Variants in PANK4 observed in about 807,000 individuals in gnomAD.
The protein encoded by PANK4 is pantothenate kinase 4 (inactive).
In PANK4, 40 loss-of-function variants were observed where a neutral mutation model predicts 87.9. That is an observed-to-expected ratio of 0.46 (90% CI 0.35 to 0.59). PANK4 has a LOEUF of 0.59. PANK4 is among the 20% of genes least tolerant of loss of function. The pLI, the probability that PANK4 is intolerant of heterozygous loss-of-function variation, is 0.00. For missense variants in PANK4, 926 were observed against 1,072.3 expected (o/e 0.86, Z 1.90); for synonymous variants, 524 against 467.4 (o/e 1.12, Z -1.56).
chr1:2,523,508 G>T (rs890244842), intron 1 of PANK4, among the ~76,000 whole-genome samples: 3 of 152,210 alleles, frequency 2.0e-5, no homozygotes, highest in African/African-American at 7.2e-5. Flanking sequence ...CAAACTCTCA[G>T]GTCACAGAAA....
intron 10 of PANK4, among the ~76,000 whole-genome samples, chr1:2,514,692 AG>A (rs1643734776): frequency 4.7e-5 from 1 of 21,420 alleles, no homozygotes; most frequent in African/African-American, 3.0e-4. Flanking sequence ...GGGCAGGGTC[AG>A]GGCCTGCTGT....
intron 14 of PANK4, 84 bp downstream of exon 14, chr1:2,511,544 C>T: frequency 5.2e-6 from 6 of 1,148,150 alleles, no homozygotes; most frequent in Non-Finnish European, 7.9e-6. Context: ...TGGACCCCGA[C>T]CGCAACTGCA....
rs866034481 is a variant in PANK4 at position 2,518,542 on chromosome 1, G to A, written c.1091C>T (p.Ala364Val). Residue 364 changes from alanine (A) to valine (V), a missense_variant, in exon 8 of 19, where the codon GCG becomes GTG. Coordinates refer to ENST00000378466, the MANE Select transcript of PANK4 (RefSeq NM_018216.4). ...RHEGYLGAIG[A>V]FLKGAEQDNP... ...GTCCTGCTCAGCTCCTTTCAGGAAC[G>A]CTCCGATGGCTCCCAGGTAGCCTTC... The A allele has an allele frequency of 8.9e-6, 14 of 1,571,294 alleles. No individual in the cohort carries two copies. Among genetic ancestry groups the A allele is most frequent in the Non-Finnish European group, 1.2e-5 (14 of 1,158,070 alleles).
At chr1:2,516,021 C>T in intron 9 of PANK4, 1 of 485,240 alleles carries the variant, frequency 2.1e-6, no homozygotes, top group Admixed American at 3.6e-5. Context: ...ACCCTCCCAT[C>T]ACCCCTCCTC....
rs1027337911 is a variant in PANK4 at position 2,509,118 on chromosome 1, A to G, written c.2109-58T>C. ...AAGCAGACCCCAGACCCCACTTCCCATACAGTGCGGCGACCAACGTGAAGG... is the reference window on the plus strand; with the variant it reads ...AAGCAGACCCCAGACCCCACTTCCCGTACAGTGCGGCGACCAACGTGAAGG... On this transcript the variant is annotated intron_variant, in intron 18 of 18. Transcript: ENST00000378466. The surrounding 1 kb of genome is among the most constrained non-coding windows in gnomAD (Gnocchi z 4.9). 7.3e-7 allele frequency: 1 copy of G among 1,378,074 alleles called. No homozygotes were observed. The highest frequency in any genetic ancestry group is 1.0e-6 in the Non-Finnish European group (1 of 1,000,764). 85.4% of individuals were successfully genotyped at this position (1,378,074 alleles called of 1,614,324 possible).
rs1283345373 is a variant in PANK4 at position 2,509,471 on chromosome 1, A to C, written c.2108+391T>G. ...TCCTCCTCTGCAATCAGGAGGACAGACAGCACCACATACAATTGACTAATG... is the reference window on the plus strand; with the variant it reads ...TCCTCCTCTGCAATCAGGAGGACAGCCAGCACCACATACAATTGACTAATG... On this transcript the variant is annotated intron_variant, in intron 18 of 18. Transcript: ENST00000378466. This position sits in a 1 kb window ranked among gnomAD's most constrained non-coding sequence, Gnocchi z 4.9. 6.6e-6 allele frequency among the ~76,000 whole-genome samples: 1 copy of C among 152,204 alleles called. No individual in the cohort carries two copies. Among genetic ancestry groups the C allele is most frequent in the Non-Finnish European group, 1.5e-5 (1 of 68,044 alleles).
At position 2,521,195 on chromosome 1, in the gene PANK4, C is replaced by A; in HGVS notation, c.328G>T (p.Asp110Tyr). The change falls in exon 3 of 19, where the codon GAC becomes TAC. Residue 110 changes from aspartate (D) to tyrosine (Y), a missense_variant. Transcript: ENST00000378466. ...TTGGTCTCTGTGTTGACGAGATGGTCTTTGATGAAGTCCAGGCAGGCTTCG... is the reference window on the plus strand; with the variant it reads ...TTGGTCTCTGTGTTGACGAGATGGTATTTGATGAAGTCCAGGCAGGCTTCG... ...YIEACLDFIK[D>Y]HLVNTETKVI... The A allele has an allele frequency of 3.7e-6, 6 of 1,613,976 alleles. No individual in the cohort carries two copies. The highest frequency in any genetic ancestry group is 5.1e-6 in the Non-Finnish European group (6 of 1,179,996).
chr1:2,519,607 T>A lies in PANK4; in HGVS notation c.853+194A>T, dbSNP rs183175974. ...TTCTTCCAAAACCAAGACCGTGGCG[T>A]TTATCTGCCGACGTTCTGAGCAGTG... On this transcript the variant is annotated intron_variant, in intron 6 of 18. Coordinates refer to ENST00000378466, the MANE Select transcript of PANK4 (RefSeq NM_018216.4). The surrounding 1 kb of genome is among the most constrained non-coding windows in gnomAD (Gnocchi z 8.3). Among the ~76,000 whole-genome samples, 1 of 152,328 alleles carries A rather than the reference T, an allele frequency of 6.6e-6. No homozygotes were observed. The highest frequency in any genetic ancestry group is 1.9e-4 in the East Asian group (1 of 5,186).
Position 2,520,615 on chromosome 1 carries a change from G to T in PANK4, c.606+108C>A. On this transcript the variant is annotated intron_variant, in intron 4 of 18. Coordinates refer to ENST00000378466, the MANE Select transcript of PANK4 (RefSeq NM_018216.4). This position sits in a 1 kb window ranked among gnomAD's most constrained non-coding sequence, Gnocchi z 6.2. ...CTCACAGCCTCGCCACCCCCCTCCC[G>T]CCCACTGGGCCCCATCCATGTGCCC... 2 of 880,936 alleles carry T rather than the reference G, an allele frequency of 2.3e-6. No individual in the cohort carries two copies. The highest frequency in any genetic ancestry group is 1.6e-6 in the Non-Finnish European group (1 of 608,634). 54.6% of individuals were successfully genotyped at this position (880,936 alleles called of 1,614,324 possible).
chr1:2,524,043 A>G (rs1427506035), intron 1 of PANK4, among the ~76,000 whole-genome samples: 3 of 152,174 alleles, frequency 2.0e-5, no homozygotes, highest in Admixed American at 6.5e-5. Context: ...TTGGGCACCA[A>G]TGGAGGGCAG....
chr1:2,523,520 C>G (rs1297719375), intron 1 of PANK4, among the ~76,000 whole-genome samples: 1 of 152,214 alleles, frequency 6.6e-6, no homozygotes, highest in East Asian at 1.9e-4. Context: ...TCACAGAAAT[C>G]CAGTTTCAGG....
At position 2,521,096 on chromosome 1, in the gene PANK4, C is replaced by T; in HGVS notation, c.422+5G>A. 1.9e-6 allele frequency: 3 copies of T among 1,610,466 alleles called. 1 individual carries two copies. Among genetic ancestry groups the T allele is most frequent in the Non-Finnish European group, 2.5e-6 (3 of 1,177,552 alleles). On this transcript the variant is annotated splice_donor_5th_base_variant and intron_variant, in intron 3 of 18. Transcript: ENST00000378466. Reference sequence around the variant, plus strand: ...TCCTTTCTCGCCCTTGAGATCCCCACTCACTTCAGCCGCAGCTTCTCTTCG... The same window carrying T: ...TCCTTTCTCGCCCTTGAGATCCCCATTCACTTCAGCCGCAGCTTCTCTTCG...
At chr1:2,513,185 C>T (rs1374755420) in intron 12 of PANK4, 146 bp from the exon 13 acceptor site, 11 of 825,268 alleles carry the variant, frequency 1.3e-5, no homozygotes, top group East Asian at 8.0e-5. Context: ...ACAAGCCTAT[C>T]GGTCCGGGAC....
In PANK4 at chr1:2,515,453, G is replaced by T; in HGVS notation, c.1374+109C>A. On this transcript the variant is annotated intron_variant, in intron 10 of 18. Coordinates refer to ENST00000378466, the MANE Select transcript of PANK4 (RefSeq NM_018216.4). This position sits in a 1 kb window ranked among gnomAD's most constrained non-coding sequence, Gnocchi z 5.0. ...TCAGACGCAGATCAAGGGGTTTCTG[G>T]ACAACACTGGCCTGTCCCCCTTCGC... 8.0e-7 allele frequency: 1 copy of T among 1,253,402 alleles called. No individual in the cohort carries two copies. Among genetic ancestry groups the T allele is most frequent in the South Asian group, 1.2e-5 (1 of 82,884 alleles). 77.6% of individuals were successfully genotyped at this position (1,253,402 alleles called of 1,614,324 possible). A position where few individuals can be genotyped will look rare whatever the true frequency, so the allele number is the denominator to read the frequency against.
chr1:2,519,118 C>G lies in PANK4; in HGVS notation c.1035+25G>C, dbSNP rs1323297169. Reference sequence around the variant, plus strand: ...GATCCTGGGGGGTCTGCGTTAGAGGCTGGGGAGGGCGGCGCATCCGTTACC... The same window carrying G: ...GATCCTGGGGGGTCTGCGTTAGAGGGTGGGGAGGGCGGCGCATCCGTTACC... On this transcript the variant is annotated intron_variant, in intron 7 of 18. Coordinates refer to ENST00000378466, the MANE Select transcript of PANK4 (RefSeq NM_018216.4). This position sits in a 1 kb window ranked among gnomAD's most constrained non-coding sequence, Gnocchi z 8.3. The G allele has an allele frequency of 5.6e-6, 9 of 1,601,294 alleles. No individual in the cohort carries two copies. The highest frequency in any genetic ancestry group is 1.1e-5 in the South Asian group (1 of 89,866).
rs756574669 is a variant in PANK4 at position 2,508,999 on chromosome 1, C to T, written c.2170G>A (p.Glu724Lys). The T allele has an allele frequency of 1.6e-5, 26 of 1,607,166 alleles. No individual in the cohort carries two copies. Among genetic ancestry groups the T allele is most frequent in the African/African-American group, 2.7e-5 (2 of 74,892 alleles). Residue 724 changes from glutamate (E) to lysine (K), a missense_variant, in exon 19 of 19, where the codon GAG becomes AAG. Glu to Lys is a moderately conservative substitution (Grantham distance 56, BLOSUM62 1). Coordinates refer to ENST00000378466, the MANE Select transcript of PANK4 (RefSeq NM_018216.4). The surrounding 1 kb of genome is among the most constrained non-coding windows in gnomAD (Gnocchi z 5.1). The stretch of plus-strand genomic sequence containing the variant: ...GTGTGGACAGCACGGCCCATGCCCT[C>T]GATGACCACCAGATCCGCGCCACGC... ...RERGADLVVIEGMGRAVHTNY... is the reference protein window; with the variant it reads ...RERGADLVVIKGMGRAVHTNY...
In PANK4 at chr1:2,520,708, G is replaced by A; in HGVS notation, c.606+15C>T. ...CTAAACCATCCACTCATTCATTCAT[G>A]AAGCCGGGTCTTACCTTCACGATGG... On this transcript the variant is annotated intron_variant, in intron 4 of 18. Transcript: ENST00000378466. This position sits in a 1 kb window ranked among gnomAD's most constrained non-coding sequence, Gnocchi z 6.2. 2.5e-6 allele frequency: 4 copies of A among 1,607,958 alleles called. No individual in the cohort carries two copies. The highest frequency in any genetic ancestry group is 3.4e-6 in the Non-Finnish European group (4 of 1,176,326).
intron 14 of PANK4, 69 bp from the exon 15 acceptor site, chr1:2,511,456 AG>A: frequency 7.9e-7 from 1 of 1,263,864 alleles, no homozygotes; most frequent in East Asian, 2.3e-5. Context: ...ACGCGTCTTC[AG>A]GTGTTCGTCT....
intron 9 of PANK4, among the ~76,000 whole-genome samples, chr1:2,517,306 G>A (rs1435479526): frequency 6.6e-6 from 1 of 152,238 alleles, no homozygotes; most frequent in East Asian, 1.9e-4. Context: ...CAAAAGGGAG[G>A]CGCCCTCCTG....
Sources: allele counts gnomAD v4.1 joint callset (sites outside exome capture counted in the v4.1 genomes callset), GRCh38; gene constraint gnomAD v4.1.1; non-coding constraint Gnocchi (gnomAD v3.1); transcripts MANE v1.5; gene names NCBI Gene and HGNC (gene_info 2026-07-23, HGNC 2026-07-21).